The following ACYP2 variants were observed in gnomAD, a reference collection of about 807,000 sequenced individuals.
The protein encoded by ACYP2 is acylphosphatase 2, also known as acylphosphatase-2.
A neutral mutation model predicts 11.2 loss-of-function variants in ACYP2; 12 were observed. The observed-to-expected ratio is 1.08, with a 90% confidence interval of 0.69 to 1.74. The LOEUF (loss-of-function observed/expected upper bound fraction) is 1.74, where lower values mean the gene tolerates loss of function less well. Among genes scored for constraint, ACYP2 ranks in the 40% most tolerant of loss-of-function variants. ACYP2 has a pLI of 0.00. For synonymous variants in ACYP2, 43 were observed against 32.2 expected, an observed-to-expected ratio of 1.33 and a Z score of -1.13; for missense variants, 134 against 101.9, an observed-to-expected ratio of 1.31 and a Z score of -1.35.
chr2:54,210,247 C>T (rs1331520368), intron 6 of ACYP2, among the ~76,000 whole-genome samples: 1 of 151,808 alleles, frequency 6.6e-6, no homozygotes, highest in Non-Finnish European at 1.5e-5. Context: ...AGCAGAGTTC[C>T]CCAAGTTGAG....
In ACYP2 at chr2:54,051,325, A is replaced by T. The variant is rs145490228; in HGVS notation, c.155+275A>T. On this transcript the variant is annotated intron_variant, in intron 3 of 6. Transcript: ENST00000607452. ...AGCCAGATGCTTCAGTCAACTTCTC[A>T]GAGTTTTTAAGAAGTGCTCAGAGAG... The T allele has an allele frequency of 6.9e-5, 53 of 764,260 alleles. No individual in the cohort carries two copies. In the African/African-American group the frequency reaches 8.6e-4, roughly 12 times the overall value. The allele number at this position is 764,260 out of a possible 1,614,324, so 47.3% of individuals were successfully genotyped here. A position where few individuals can be genotyped will look rare whatever the true frequency, so the allele number is the denominator to read the frequency against.
chr2:54,006,381 A>T (rs1673063724), intron 2 of ACYP2, among the ~76,000 whole-genome samples: 1 of 152,066 alleles, frequency 6.6e-6, no homozygotes, highest in Non-Finnish European at 1.5e-5. Flanking sequence ...TCCTGACCTC[A>T]GGTGATCCAC....
intron 6 of ACYP2, among the ~76,000 whole-genome samples, chr2:54,207,808 G>A (rs149990307): frequency 2.9e-4 from 44 of 152,176 alleles, no homozygotes; most frequent in Non-Finnish European, 5.4e-4. Context: ...TTTTTGAGTC[G>A]GTCTTCTGCA....
chr2:54,077,762 G>T (rs902751109), intron 4 of ACYP2, among the ~76,000 whole-genome samples: 2 of 152,226 alleles, frequency 1.3e-5, no homozygotes, highest in Non-Finnish European at 2.9e-5. Flanking sequence ...GAAAGGCTGT[G>T]ACTTTCCTAA....
At chr2:54,064,222 T>C (rs1273482925) in intron 4 of ACYP2, among the ~76,000 whole-genome samples, 1 of 152,182 alleles carries the variant, frequency 6.6e-6, no homozygotes, top group African/African-American at 2.4e-5. Flanking sequence ...TTAGGGGTCT[T>C]GGCAGGAGGC....
intron 6 of ACYP2, among the ~76,000 whole-genome samples, chr2:54,296,268 C>T (rs978087327): frequency 1.3e-5 from 2 of 152,202 alleles, no homozygotes; most frequent in African/African-American, 4.8e-5. Context: ...AAGGCCACAG[C>T]TGGCCTCTCT....
At chr2:54,179,074 G>A (rs567593211) in intron 6 of ACYP2, among the ~76,000 whole-genome samples, 56 of 152,224 alleles carry the variant, frequency 3.7e-4, no homozygotes, top group African/African-American at 1.3e-3. Flanking sequence ...CTCACATGGT[G>A]CAAAGGGTGA....
chr2:54,034,986 G>C (rs948157306), intron 2 of ACYP2, among the ~76,000 whole-genome samples: 3 of 113,870 alleles, frequency 2.6e-5, no homozygotes, highest in African/African-American at 3.0e-5. Context: ...CTCCAGCCCA[G>C]GCGACAGTGC....
intron 3 of ACYP2, among the ~76,000 whole-genome samples, chr2:54,054,529 C>G (rs115646405): frequency 6.6e-6 from 1 of 152,104 alleles, no homozygotes; most frequent in Non-Finnish European, 1.5e-5. Context: ...TTTTGTCTCT[C>G]GATTTTACTT....
At chr2:54,185,422 T>C (rs1301547363) in intron 6 of ACYP2, among the ~76,000 whole-genome samples, 1 of 152,204 alleles carries the variant, frequency 6.6e-6, no homozygotes, top group Admixed American at 6.5e-5. Flanking sequence ...TCAGTGGTAT[T>C]GAGGGCCATT....
chr2:54,096,046 C>CG (rs1249106928), intron 4 of ACYP2, among the ~76,000 whole-genome samples: 2 of 100,322 alleles, frequency 2.0e-5, no homozygotes, highest in Admixed American at 9.7e-5. Context: ...GCTGGCCGGG[C>CG]GGGGGGCTGA....
At chr2:54,271,203 G>T (rs1688283117) in intron 6 of ACYP2, among the ~76,000 whole-genome samples, 1 of 152,156 alleles carries the variant, frequency 6.6e-6, no homozygotes, top group South Asian at 2.1e-4. Flanking sequence ...CGGGACTGAA[G>T]CCACCTTTGT....
In ACYP2 at chr2:54,304,729, T is replaced by C. The variant is rs763975336; in HGVS notation, c.446T>C (p.Ile149Thr). Reference sequence around the variant, plus strand: ...AAGGTTGGAAGCCCTAGTTCTCGCATTGACCGCACAAACTTTTCTAATGAA... The same window carrying C: ...AAGGTTGGAAGCCCTAGTTCTCGCACTGACCGCACAAACTTTTCTAATGAA... The change falls in exon 7 of 7, where the codon ATT (isoleucine) becomes ACT (threonine). Residue 149 changes from isoleucine to threonine, a missense_variant. By Grantham distance (89) the Ile-to-Thr change is moderately conservative (BLOSUM62 -1). Coordinates refer to ENST00000607452, the MANE Select transcript of ACYP2 (RefSeq NM_001320586.2). 11 of 1,612,474 alleles carry C rather than the reference T, an allele frequency of 6.8e-6. No homozygotes were observed. The African/African-American group carries it at 9.3e-5, about 14-fold the overall frequency.
intron 2 of ACYP2, among the ~76,000 whole-genome samples, chr2:54,041,760 C>T (rs1364698934): frequency 6.6e-6 from 1 of 152,022 alleles, no homozygotes; most frequent in African/African-American, 2.4e-5. Context: ...TGAACGCATA[C>T]ATGAAAGAAT....
chr2:54,169,021 C>G (rs1268033991), intron 6 of ACYP2, among the ~76,000 whole-genome samples: 1 of 152,112 alleles, frequency 6.6e-6, no homozygotes, highest in Non-Finnish European at 1.5e-5. Flanking sequence ...GTTTTCCTGT[C>G]CAAAGAACCA....
intron 6 of ACYP2, among the ~76,000 whole-genome samples, chr2:54,273,026 G>A (rs1338690164): frequency 6.6e-6 from 1 of 152,224 alleles, no homozygotes; most frequent in Admixed American, 6.5e-5. Context: ...AGGAAAGCAG[G>A]AAACTAGGAA....
intron 2 of ACYP2, among the ~76,000 whole-genome samples, chr2:53,994,816 TAC>T (rs1231106067): frequency 6.6e-6 from 1 of 152,212 alleles, no homozygotes; most frequent in Non-Finnish European, 1.5e-5. Flanking sequence ...CACAGCCTAA[TAC>T]ACACACATAA....
intron 4 of ACYP2, among the ~76,000 whole-genome samples, chr2:54,111,578 A>G (rs569601669): frequency 5.9e-5 from 9 of 152,372 alleles, no homozygotes; most frequent in South Asian, 2.1e-4. Context: ...ATAACTTGTA[A>G]TAAGATTAAA....
At chr2:54,299,429 T>C (rs369497999) in intron 6 of ACYP2, among the ~76,000 whole-genome samples, 1 of 151,662 alleles carries the variant, frequency 6.6e-6, no homozygotes. Context: ...CTATCTCTAC[T>C]AAAAATACAA....
Sources: gnomAD v4.1 joint callset for allele counts (sites outside exome capture counted in the v4.1 genomes callset) on GRCh38, gnomAD v4.1.1 for gene constraint, MANE v1.5 for transcripts, NCBI Gene and HGNC (gene_info 2026-07-23, HGNC 2026-07-21) for gene names.